MBNL1: variants seen among roughly 807,000 people sequenced by gnomAD.
MBNL1 encodes the protein muscleblind-like protein 1.
Under a neutral mutation model 42.2 loss-of-function variants are expected in MBNL1, and 8 were observed. The ratio of observed to expected loss-of-function variants is 0.19; its 90% CI spans 0.11 to 0.34. The LOEUF (loss-of-function observed/expected upper bound fraction) is 0.34, where lower values mean the gene tolerates loss of function less well. MBNL1 is among the 10% of genes least tolerant of loss of function. The pLI, the probability that MBNL1 is intolerant of heterozygous loss-of-function variation, is 1.00. For missense variants in MBNL1, 309 were observed against 495.3 expected (o/e 0.62, Z 3.57); for synonymous variants, 169 against 173.9 (o/e 0.97, Z 0.22).
intron 2 of MBNL1, among the ~76,000 whole-genome samples, chr3:152,345,161 A>G (rs1485514384): frequency 1.3e-5 from 2 of 152,050 alleles, no homozygotes; most frequent in Non-Finnish European, 2.9e-5. Context: ...TTAATTAGGT[A>G]GTATGTTTGG....
At chr3:152,252,163 C>CCTTA (rs1163924251) in intron 2 of MBNL1, among the ~76,000 whole-genome samples, 1 of 146,364 alleles carries the variant, frequency 6.8e-6, no homozygotes, top group East Asian at 2.0e-4. Context: ...TTCCTTCCTT[C>CCTTA]CTTCCTTCCT....
chr3:152,293,681 C>T (rs2057222064), intron 1 of MBNL1, among the ~76,000 whole-genome samples: 1 of 152,182 alleles, frequency 6.6e-6, no homozygotes, highest in Non-Finnish European at 1.5e-5. Context: ...TTAACTTCCT[C>T]AGTATATAAC....
intron 2 of MBNL1, among the ~76,000 whole-genome samples, chr3:152,403,562 T>C (rs759735443): frequency 1.3e-5 from 2 of 152,180 alleles, no homozygotes; most frequent in Non-Finnish European, 2.9e-5. Flanking sequence ...ACTTTTCTAT[T>C]TTATTCTCAG....
intron 4 of MBNL1, among the ~76,000 whole-genome samples, chr3:152,435,411 G>A (rs749843524): frequency 1.1e-4 from 17 of 151,998 alleles, no homozygotes. Flanking sequence ...GTCTTTTTTT[G>A]CACCAGTACC....
chr3:152,314,427 G>A (rs530785993), intron 2 of MBNL1, among the ~76,000 whole-genome samples: 37 of 151,324 alleles, frequency 2.4e-4, no homozygotes, highest in Non-Finnish European at 4.6e-4. Flanking sequence ...CCAGGCTGGA[G>A]TACAATAGCG....
intron 2 of MBNL1, among the ~76,000 whole-genome samples, chr3:152,319,989 C>T (rs1028291564): frequency 1.3e-5 from 2 of 152,072 alleles, no homozygotes; most frequent in African/African-American, 4.8e-5. Flanking sequence ...TCATAGAATA[C>T]ACTACATTAT....
intron 2 of MBNL1, among the ~76,000 whole-genome samples, chr3:152,374,202 T>C (rs2096799388): frequency 6.6e-6 from 1 of 152,236 alleles, no homozygotes; most frequent in Non-Finnish European, 1.5e-5. Context: ...GTACAGTGAT[T>C]TATTATTTGC....
chr3:152,342,550 C>T (rs1235628307), intron 2 of MBNL1, among the ~76,000 whole-genome samples: 1 of 75,780 alleles, frequency 1.3e-5, no homozygotes, highest in Non-Finnish European at 2.6e-5. Context: ...GGAAACTAAA[C>T]AAAACACACA....
intron 2 of MBNL1, among the ~76,000 whole-genome samples, chr3:152,319,844 GC>G (rs950126739): frequency 4.6e-5 from 7 of 151,826 alleles, no homozygotes; most frequent in African/African-American, 1.7e-4. Context: ...ACCTGTGGTC[GC>G]AATTGACAGA....
intron 2 of MBNL1, among the ~76,000 whole-genome samples, chr3:152,373,372 G>A (rs1180917219): frequency 6.8e-6 from 1 of 146,812 alleles, no homozygotes; most frequent in East Asian, 2.0e-4. Flanking sequence ...AAAACCTTCT[G>A]CAGCTAGCTT....
rs566893278 is a variant in MBNL1 at position 152,462,710 on chromosome 3, A to G, written c.*344A>G. 1 of 152,320 alleles carries G rather than the reference A, an allele frequency of 6.6e-6. No individual in the cohort carries two copies. The highest frequency in any genetic ancestry group is 2.1e-4 in the South Asian group (1 of 4,834). The allele number at this position is 152,320 out of a possible 1,614,324, so 9.4% of individuals were successfully genotyped here. A position where few individuals can be genotyped will look rare whatever the true frequency, so the allele number is the denominator to read the frequency against. On this transcript the variant is annotated 3_prime_UTR_variant, in exon 10 of 10. Transcript: ENST00000324210. ...TCCTATATATTCATGCCATCTTGAAAAGACAGACTATGGTGTAACCATGAT... is the reference window on the plus strand; with the variant it reads ...TCCTATATATTCATGCCATCTTGAAGAGACAGACTATGGTGTAACCATGAT...
rs116062863 is a variant in MBNL1 at position 152,398,224 on chromosome 3, C to T, written c.175-16717C>T. Among the ~76,000 whole-genome samples, 1,033 of 152,122 alleles carry T rather than the reference C, an allele frequency of 6.8e-3. 7 individuals carry two copies. The highest frequency in any genetic ancestry group is 1.0e-2 in the Non-Finnish European group (679 of 67,980). On this transcript the variant is annotated intron_variant, in intron 2 of 9. Transcript: ENST00000324210. Reference sequence around the variant, plus strand: ...GGGCCCTATTTTGGATAACATAGAACTTAGTCACTCAATTATGATTTTTGA... The same window carrying T: ...GGGCCCTATTTTGGATAACATAGAATTTAGTCACTCAATTATGATTTTTGA...
chr3:152,348,046 A>C (rs1351609161), intron 2 of MBNL1, among the ~76,000 whole-genome samples: 2 of 152,130 alleles, frequency 1.3e-5, no homozygotes, highest in African/African-American at 4.8e-5. Context: ...TTCCTCCAGG[A>C]TGAGTCATAG....
At chr3:152,322,072 T>TTA (rs1553820286) in intron 2 of MBNL1, among the ~76,000 whole-genome samples, 1 of 151,580 alleles carries the variant, frequency 6.6e-6, no homozygotes, top group African/African-American at 2.4e-5. Context: ...AGAGTTTTTT[T>TTA]AACCATATTT....
intron 2 of MBNL1, among the ~76,000 whole-genome samples, chr3:152,355,801 G>A (rs1485019486): frequency 6.6e-6 from 1 of 152,136 alleles, no homozygotes; most frequent in Non-Finnish European, 1.5e-5. Context: ...TATCTACTAA[G>A]TGTGTGACTT....
intron 2 of MBNL1, among the ~76,000 whole-genome samples, chr3:152,322,442 T>A (rs1370391959): frequency 6.6e-6 from 1 of 152,082 alleles, no homozygotes; most frequent in Non-Finnish European, 1.5e-5. Flanking sequence ...CGCAGCTCCC[T>A]TTTTGAAAGG....
chr3:152,300,038 T>C lies in MBNL1; in HGVS notation c.-156T>C, dbSNP rs1039573057. 7 of 526,990 alleles carry C rather than the reference T, an allele frequency of 1.3e-5. No homozygotes were observed. Among genetic ancestry groups the C allele is most frequent in the African/African-American group, 9.8e-5 (5 of 51,148 alleles). 32.6% of individuals were successfully genotyped at this position (526,990 alleles called of 1,614,324 possible). ...CTTTTCCTTGATATTGACGACACAATTTTCCATGTACTTTTAAAGCAGGGA... is the reference window on the plus strand; with the variant it reads ...CTTTTCCTTGATATTGACGACACAACTTTCCATGTACTTTTAAAGCAGGGA... On this transcript the variant is annotated 5_prime_UTR_variant, in exon 2 of 10. Coordinates refer to ENST00000324210, the MANE Select transcript of MBNL1 (RefSeq NM_021038.5).
chr3:152,311,051 C>T (rs1288216787), intron 2 of MBNL1, among the ~76,000 whole-genome samples: 1 of 129,528 alleles, frequency 7.7e-6, no homozygotes, highest in Non-Finnish European at 1.6e-5. Context: ...CTCTGTCGCT[C>T]AGGCTGGAGT....
intron 2 of MBNL1, among the ~76,000 whole-genome samples, chr3:152,259,491 T>G (rs1301417306): frequency 6.6e-6 from 1 of 152,248 alleles, no homozygotes; most frequent in African/African-American, 2.4e-5. Context: ...AAATTTTTAT[T>G]TTATTTTCAA....
Sources: gnomAD v4.1 joint callset for allele counts (sites outside exome capture counted in the v4.1 genomes callset) on GRCh38, gnomAD v4.1.1 for gene constraint, MANE v1.5 for transcripts, NCBI Gene and HGNC (gene_info 2026-07-23, HGNC 2026-07-21) for gene names.